The following ETV6 variants were observed in gnomAD, a reference collection of about 807,000 sequenced individuals.
ETV6 encodes transcription factor ETV6.
A neutral mutation model predicts 51.1 loss-of-function variants in ETV6; 16 were observed. That is an observed-to-expected ratio of 0.31 (90% confidence interval 0.21 to 0.48). The LOEUF is 0.48. Ranked by LOEUF, ETV6 falls within the 20% of genes least tolerant of loss-of-function variation. The probability of loss-of-function intolerance (pLI) is 0.99; values close to 1 mark genes in which losing one functional copy is unlikely to be tolerated. For missense variants in ETV6, 458 were observed against 594.8 expected, an observed-to-expected ratio of 0.77 and a Z score of 2.39; for synonymous variants, 240 against 224.1, an observed-to-expected ratio of 1.07 and a Z score of -0.64.
chr12:11,712,883 G>A (rs1865199558), intron 1 of ETV6, among the ~76,000 whole-genome samples: 1 of 152,204 alleles, frequency 6.6e-6, no homozygotes, highest in South Asian at 2.1e-4. Flanking sequence ...ATGGTCAGGA[G>A]CTGCAGGCGT....
chr12:11,724,783 T>C (rs1383453631), intron 1 of ETV6, among the ~76,000 whole-genome samples: 3 of 152,220 alleles, frequency 2.0e-5, no homozygotes, highest in African/African-American at 7.2e-5. Context: ...ATAAGAGGCT[T>C]GTCTGGCTGT....
intron 1 of ETV6, among the ~76,000 whole-genome samples, chr12:11,673,112 G>A (rs572785315): frequency 1.3e-5 from 2 of 152,220 alleles, no homozygotes; most frequent in Non-Finnish European, 2.9e-5. Flanking sequence ...CTGGGTAACT[G>A]TGCAGGGCTC....
intron 7 of ETV6, among the ~76,000 whole-genome samples, chr12:11,888,291 G>A (rs1248385879): frequency 1.3e-5 from 2 of 152,016 alleles, no homozygotes; most frequent in Non-Finnish European, 2.9e-5. Flanking sequence ...CCTGAATGAG[G>A]CCTTCTTCAG....
chr12:11,802,301 T>C (rs1945762597), intron 2 of ETV6, among the ~76,000 whole-genome samples: 1 of 152,180 alleles, frequency 6.6e-6, no homozygotes, highest in African/African-American at 2.4e-5. Context: ...GCTGATCTTA[T>C]TCTAGAAGAC....
chr12:11,747,813 T>C (rs1865935951), intron 1 of ETV6, among the ~76,000 whole-genome samples: 1 of 152,234 alleles, frequency 6.6e-6, no homozygotes, highest in African/African-American at 2.4e-5. Flanking sequence ...AATGTGTCTA[T>C]AGCTTGTTAA....
intron 1 of ETV6, among the ~76,000 whole-genome samples, chr12:11,650,726 G>C (rs1438704495): frequency 2.6e-5 from 4 of 152,030 alleles, no homozygotes; most frequent in Non-Finnish European, 2.9e-5. Context: ...CCTGGTGTCA[G>C]CTTTTCCTAG....
intron 7 of ETV6, among the ~76,000 whole-genome samples, chr12:11,889,158 G>A (rs752039329): frequency 5.9e-5 from 9 of 152,078 alleles, no homozygotes; most frequent in Non-Finnish European, 1.2e-4. Context: ...TGGCTTAGAG[G>A]GGCTCTTTAT....
intron 1 of ETV6, among the ~76,000 whole-genome samples, chr12:11,709,117 C>T (rs1414675525): frequency 1.3e-5 from 2 of 151,990 alleles, no homozygotes; most frequent in African/African-American, 2.4e-5. Context: ...GATATATAAC[C>T]AAGAAGCTAT....
chr12:11,806,439 T>C (rs1945830915), intron 2 of ETV6, among the ~76,000 whole-genome samples: 1 of 152,202 alleles, frequency 6.6e-6, no homozygotes, highest in Non-Finnish European at 1.5e-5. Context: ...GCATGAAGGC[T>C]AACTGAGAAG....
At chr12:11,866,170 C>T (rs1036924321) in intron 4 of ETV6, among the ~76,000 whole-genome samples, 1 of 151,956 alleles carries the variant, frequency 6.6e-6, no homozygotes, top group East Asian at 1.9e-4. Flanking sequence ...AGATATTATA[C>T]TTTTCAGTTA....
intron 1 of ETV6, among the ~76,000 whole-genome samples, chr12:11,701,448 T>A (rs1359300759): frequency 6.6e-6 from 1 of 152,240 alleles, no homozygotes; most frequent in Non-Finnish European, 1.5e-5. Context: ...GTAGCATGTG[T>A]CAGAATTTCA....
chr12:11,776,547 A>G (rs2723827), intron 2 of ETV6, among the ~76,000 whole-genome samples: 114,479 of 152,020 alleles, frequency 0.75, 44,434 homozygotes, highest in South Asian at 0.95. Flanking sequence ...ACCCAGCCAG[A>G]ATTTTTTAAA....
intron 2 of ETV6, among the ~76,000 whole-genome samples, chr12:11,831,279 G>C (rs1416174459): frequency 6.6e-6 from 1 of 152,210 alleles, no homozygotes; most frequent in East Asian, 1.9e-4. Flanking sequence ...AGGCTGGAGT[G>C]CAGTGGTGCA....
At chr12:11,758,337 A>G (rs1190531349) in intron 2 of ETV6, among the ~76,000 whole-genome samples, 2 of 152,148 alleles carry the variant, frequency 1.3e-5, no homozygotes, top group Non-Finnish European at 2.9e-5. Context: ...CCAAAGCTCC[A>G]TTTCTGTTTC....
chr12:11,879,618 C>G (rs886526940), intron 5 of ETV6, among the ~76,000 whole-genome samples: 1 of 152,234 alleles, frequency 6.6e-6, no homozygotes, highest in Admixed American at 6.5e-5. Context: ...TTGGGCTAAA[C>G]ACTTTCATAA....
In ETV6 at chr12:11,766,639, C is replaced by A. The variant is rs1447417223; in HGVS notation, c.163+14060C>A. The stretch of plus-strand genomic sequence containing the variant: ...TGCTCCCTTGCTTTGTGGCTTTGCC[C>A]ATCCCTGACCTGCGTGGAGGCCTTA... On this transcript the variant is annotated intron_variant, in intron 2 of 7. Coordinates refer to ENST00000396373, the MANE Select transcript of ETV6 (RefSeq NM_001987.5). 3.9e-5 allele frequency among the ~76,000 whole-genome samples: 6 copies of A among 152,300 alleles called. No homozygotes were observed. The East Asian group carries it at 9.7e-4, about 25-fold the overall frequency.
At chr12:11,705,424 T>C (rs1176453626) in intron 1 of ETV6, among the ~76,000 whole-genome samples, 1 of 152,230 alleles carries the variant, frequency 6.6e-6, no homozygotes, top group Non-Finnish European at 1.5e-5. Context: ...GCCCTGGCCT[T>C]CAGATGATTT....
chr12:11,677,600 G>A (rs1481075594), intron 1 of ETV6, among the ~76,000 whole-genome samples: 6 of 152,226 alleles, frequency 3.9e-5, no homozygotes, highest in Non-Finnish European at 8.8e-5. Flanking sequence ...TTGATTGGAT[G>A]TATGCGTATT....
At chr12:11,851,475 C>T (rs2238121) in intron 3 of ETV6, among the ~76,000 whole-genome samples, 61,102 of 151,904 alleles carry the variant, frequency 0.4, 14,409 homozygotes, top group South Asian at 0.59. Flanking sequence ...GGCTTCTTAT[C>T]CCCGCCTCAT....
Sources: gnomAD v4.1 joint callset for allele counts (sites outside exome capture counted in the v4.1 genomes callset) on GRCh38, gnomAD v4.1.1 for gene constraint, MANE v1.5 for transcripts, NCBI Gene and HGNC (gene_info 2026-07-23, HGNC 2026-07-21) for gene names.